The following TMCO5A variants were observed in gnomAD, a reference collection of about 807,000 sequenced individuals.
TMCO5A encodes transmembrane and coiled-coil domains 5A, also known as transmembrane and coiled-coil domain-containing protein 5A.
A neutral mutation model predicts 42.3 loss-of-function variants in TMCO5A; 34 were observed. That is an observed-to-expected ratio of 0.80 (90% CI 0.61 to 1.07). TMCO5A has a LOEUF of 1.07. TMCO5A is among the 50% of genes least tolerant of loss of function. The pLI is 0.00. For missense variants in TMCO5A, 357 were observed against 327.9 expected, an observed-to-expected ratio of 1.09 and a Z score of -0.69; for synonymous variants, 131 against 115.6, an observed-to-expected ratio of 1.13 and a Z score of -0.86.
chr15:37,963,970 T>C (rs575771238), intron 11 of TMCO5A, among the ~76,000 whole-genome samples: 17 of 152,210 alleles, frequency 1.1e-4, no homozygotes, highest in Non-Finnish European at 2.1e-4. Context: ...ATTAACTTAA[T>C]AATTAACCTC....
chr15:38,033,253 AT>A, the TMCO5A span, among the ~76,000 whole-genome samples: 1 of 152,272 alleles, frequency 6.6e-6, no homozygotes, highest in African/African-American at 2.4e-5. Context: ...AGATAAGATG[AT>A]TATGAAAGCC....
At chr15:37,950,895 A>G in intron 11 of TMCO5A, 141 bp from the exon 12 acceptor site, 2 of 675,928 alleles carry the variant, frequency 3.0e-6, no homozygotes, top group East Asian at 2.7e-5. Flanking sequence ...GGGAGCTGCC[A>G]TTATAAAAGG....
At chr15:37,996,102 G>C in the TMCO5A span, among the ~76,000 whole-genome samples, 1 of 152,132 alleles carries the variant, frequency 6.6e-6, no homozygotes, top group Non-Finnish European at 1.5e-5. Flanking sequence ...AGATAAAAAG[G>C]AACAAAATCA....
rs78542351 is a variant in TMCO5A at position 37,947,657 on chromosome 15, G to A, written c.629G>A (p.Gly210Asp). Reference sequence around the variant, plus strand: ...TATCAATATCCTTTCTTCTTCCAGGGTACTCCTACCCAAAAGACAGCAAGA... The same window carrying A: ...TATCAATATCCTTTCTTCTTCCAGGATACTCCTACCCAAAAGACAGCAAGA... ...EKEHTSQNNE[G>D]TPTQKTARLF... The change falls in exon 11 of 12, where the codon GGT becomes GAT. Residue 210 changes from glycine (G) to aspartate (D), a missense_variant and splice_region_variant. Coordinates refer to ENST00000319669, the MANE Select transcript of TMCO5A (RefSeq NM_152453.4). 3.2e-3 allele frequency: 5,070 copies of A among 1,594,310 alleles called. 151 individuals are homozygous for A. In the African/African-American group the frequency reaches 0.058, roughly 18 times the overall value.
At chr15:37,990,339 G>A in the TMCO5A span, among the ~76,000 whole-genome samples, 1 of 151,922 alleles carries the variant, frequency 6.6e-6, no homozygotes, top group African/African-American at 2.4e-5. Flanking sequence ...TTCCTGTATA[G>A]AAACTTCTAT....
In TMCO5A at chr15:37,951,178, A is replaced by G; in HGVS notation, c.811A>G (p.Arg271Gly). ...VLGRSTLWKL[R>G]CFFFPSLTLE... ...GGGCAGGAGCACCTTGTGGAAGCTC[A>G]GATGCTTCTTCTTTCCATCTCTCAC... The change falls in exon 12 of 12, where the codon AGA (arginine) becomes GGA (glycine). Residue 271 changes from arginine (R) to glycine (G), a missense_variant. Physicochemically the swap from Arg to Gly is moderately radical, Grantham distance 125. Transcript: ENST00000319669. 7 of 1,613,886 alleles carry G rather than the reference A, an allele frequency of 4.3e-6. No homozygotes were observed. The highest frequency in any genetic ancestry group is 5.9e-6 in the Non-Finnish European group (7 of 1,179,858).
At chr15:38,030,243 A>G in the TMCO5A span, among the ~76,000 whole-genome samples, 1 of 152,150 alleles carries the variant, frequency 6.6e-6, no homozygotes, top group African/African-American at 2.4e-5. Flanking sequence ...TTGTACCTCA[A>G]TTCTGATCGT....
At chr15:37,973,028 T>G in the TMCO5A span, among the ~76,000 whole-genome samples, 1 of 152,206 alleles carries the variant, frequency 6.6e-6, no homozygotes, top group East Asian at 1.9e-4. Context: ...ATTTGTTGAA[T>G]AGGGTGTCCT....
chr15:37,941,785 T>C (rs1297637367), intron 8 of TMCO5A, 55 bp downstream of exon 8: 1 of 1,447,776 alleles, frequency 6.9e-7, no homozygotes, highest in African/African-American at 1.4e-5. Flanking sequence ...CAGGATGAAA[T>C]AGAACAAGGA....
At chr15:37,964,375 G>T (rs1020162787) in intron 11 of TMCO5A, among the ~76,000 whole-genome samples, 1 of 152,144 alleles carries the variant, frequency 6.6e-6, no homozygotes, top group South Asian at 2.1e-4. Context: ...TTCAGCCATG[G>T]ATACCAACAC....
At chr15:37,987,671 C>G in the TMCO5A span, among the ~76,000 whole-genome samples, 1 of 151,920 alleles carries the variant, frequency 6.6e-6, no homozygotes, top group East Asian at 1.9e-4. Context: ...ACTCATTTGA[C>G]TATATATGTG....
chr15:38,013,280 G>A, the TMCO5A span, among the ~76,000 whole-genome samples: 1 of 152,072 alleles, frequency 6.6e-6, no homozygotes, highest in Admixed American at 6.6e-5. Context: ...ATCTCCACTG[G>A]GTATCCTGTA....
the TMCO5A span, among the ~76,000 whole-genome samples, chr15:38,002,742 G>T: frequency 2.6e-5 from 4 of 151,748 alleles, no homozygotes; most frequent in Non-Finnish European, 5.9e-5. Flanking sequence ...CATCTGATAG[G>T]ATTCTGAATT....
the TMCO5A span, among the ~76,000 whole-genome samples, chr15:37,994,956 G>T: frequency 6.6e-6 from 1 of 152,126 alleles, no homozygotes; most frequent in Admixed American, 6.6e-5. Flanking sequence ...TACAATTTCA[G>T]ATTCTTGTTT....
the TMCO5A span, among the ~76,000 whole-genome samples, chr15:37,975,203 A>G: frequency 3.9e-5 from 6 of 152,130 alleles, no homozygotes; most frequent in African/African-American, 1.4e-4. Context: ...AAGGAGAAAA[A>G]CGTATATTCT....
the TMCO5A span, among the ~76,000 whole-genome samples, chr15:37,975,357 T>C: frequency 6.6e-6 from 1 of 152,230 alleles, no homozygotes; most frequent in Admixed American, 6.5e-5. Context: ...CTACTATTAC[T>C]GTTTGGTTAT....
chr15:37,960,225 T>G (rs1175322269), intron 11 of TMCO5A, among the ~76,000 whole-genome samples: 5 of 151,828 alleles, frequency 3.3e-5, no homozygotes, highest in Non-Finnish European at 4.4e-5. Context: ...CATTGTATCA[T>G]TCTTATGCCT....
At chr15:37,934,846 G>T (rs553504049) in intron 1 of TMCO5A, among the ~76,000 whole-genome samples, 152 bp downstream of exon 1, 1 of 152,224 alleles carries the variant, frequency 6.6e-6, no homozygotes, top group East Asian at 1.9e-4. Context: ...AGAGAGCAAA[G>T]ATTACTTTTC....
intron 11 of TMCO5A, among the ~76,000 whole-genome samples, chr15:37,963,548 T>C (rs1193411604): frequency 6.6e-6 from 1 of 152,226 alleles, no homozygotes; most frequent in Non-Finnish European, 1.5e-5. Flanking sequence ...TAAAATGTTC[T>C]GTATGTATCT....
Sources: gnomAD v4.1 joint callset for allele counts (sites outside exome capture counted in the v4.1 genomes callset) on GRCh38, gnomAD v4.1.1 for gene constraint, MANE v1.5 for transcripts, NCBI Gene and HGNC (gene_info 2026-07-23, HGNC 2026-07-21) for gene names.